The following SLMAP variants were observed in gnomAD, a reference collection of about 807,000 sequenced individuals.
The protein encoded by SLMAP is sarcolemma associated protein.
SLMAP carries 44 observed loss-of-function variants against 128.8 expected under a neutral mutation model. The observed-to-expected ratio is 0.34, with a 90% CI of 0.27 to 0.44. The LOEUF (loss-of-function observed/expected upper bound fraction) is 0.44. Among genes scored for constraint, SLMAP ranks in the 20% least tolerant of loss-of-function variants. SLMAP has a pLI of 1.00. For synonymous variants in SLMAP, 327 were observed against 348.8 expected, an observed-to-expected ratio of 0.94 and a Z score of 0.70; for missense variants, 787 against 985.3, an observed-to-expected ratio of 0.80 and a Z score of 2.69.
At chr3:57,803,262 C>G (rs2089014318) in intron 2 of SLMAP, among the ~76,000 whole-genome samples, 1 of 151,934 alleles carries the variant, frequency 6.6e-6, no homozygotes, top group Non-Finnish European at 1.5e-5. Context: ...AAAAGGCCAT[C>G]AAGATTATGA....
At chr3:57,845,245 A>G (rs972485507) in intron 4 of SLMAP, among the ~76,000 whole-genome samples, 2 of 152,228 alleles carry the variant, frequency 1.3e-5, no homozygotes, top group Non-Finnish European at 2.9e-5. Flanking sequence ...TTGGGCATAT[A>G]CAGGTGAATA....
chr3:57,801,685 A>G (rs1042905781), intron 2 of SLMAP, among the ~76,000 whole-genome samples: 2 of 148,662 alleles, frequency 1.3e-5, no homozygotes, highest in Non-Finnish European at 3.0e-5. Context: ...TTTGCTCAGT[A>G]TCTTAATACC....
At chr3:57,863,299 A>G (rs976902507) in intron 10 of SLMAP, among the ~76,000 whole-genome samples, 1 of 152,178 alleles carries the variant, frequency 6.6e-6, no homozygotes, top group African/African-American at 2.4e-5. Flanking sequence ...AAAAAATCTT[A>G]TAACTGTTTG....
At chr3:57,784,023 A>C (rs1445081823) in intron 2 of SLMAP, among the ~76,000 whole-genome samples, 1 of 152,158 alleles carries the variant, frequency 6.6e-6, no homozygotes, top group African/African-American at 2.4e-5. Flanking sequence ...TCTGTCACCA[A>C]ATTCAAGAAC....
chr3:57,887,376 T>TG (rs2095921530), intron 14 of SLMAP, among the ~76,000 whole-genome samples: 1 of 152,014 alleles, frequency 6.6e-6, no homozygotes, highest in African/African-American at 2.4e-5. Flanking sequence ...ATTACAGACA[T>TG]GCGCCACCAC....
intron 2 of SLMAP, among the ~76,000 whole-genome samples, chr3:57,762,053 CAAA>C (rs1312577556): frequency 4.4e-5 from 2 of 45,530 alleles, no homozygotes. Context: ...GACTCCGTCT[CAAA>C]AAAAAAAAAA....
At chr3:57,835,829 G>A (rs745559102) in intron 3 of SLMAP, among the ~76,000 whole-genome samples, 6 of 152,060 alleles carry the variant, frequency 3.9e-5, no homozygotes, top group South Asian at 2.1e-4. Flanking sequence ...GCAAACTGTC[G>A]AAGGATTTGT....
intron 2 of SLMAP, among the ~76,000 whole-genome samples, chr3:57,774,971 T>G (rs1225051642): frequency 6.6e-6 from 1 of 152,194 alleles, no homozygotes; most frequent in African/African-American, 2.4e-5. Context: ...GATATTTAAG[T>G]CCTGCTGCCA....
At chr3:57,895,895 G>T (rs999794875) in intron 15 of SLMAP, among the ~76,000 whole-genome samples, 14 of 150,094 alleles carry the variant, frequency 9.3e-5, no homozygotes, top group African/African-American at 3.2e-4. Flanking sequence ...AGTGAGCTGT[G>T]TTTGTCCCAC....
chr3:57,896,480 T>A (rs1172730353), intron 15 of SLMAP, 31 bp from the exon 16 acceptor site: 1 of 1,562,678 alleles, frequency 6.4e-7, no homozygotes. Flanking sequence ...TTAACTGTAA[T>A]AAGATTTTAC....
intron 13 of SLMAP, among the ~76,000 whole-genome samples, chr3:57,866,792 G>T (rs2095314842): frequency 6.6e-6 from 1 of 152,044 alleles, no homozygotes; most frequent in Non-Finnish European, 1.5e-5. Flanking sequence ...GCTGAGGTGG[G>T]AGGATCACTT....
At chr3:57,915,661 T>C (rs1475986703) in intron 21 of SLMAP, among the ~76,000 whole-genome samples, 1 of 152,236 alleles carries the variant, frequency 6.6e-6, no homozygotes, top group East Asian at 1.9e-4. Context: ...TTCTGAAAGA[T>C]GTAAAACTGT....
intron 17 of SLMAP, among the ~76,000 whole-genome samples, chr3:57,906,288 T>G (rs1020555098): frequency 2.1e-4 from 30 of 141,018 alleles, no homozygotes; most frequent in Admixed American, 8.0e-4. Context: ...GAACCCAGAA[T>G]CAAATTTTTT....
In SLMAP at chr3:57,879,430, T is replaced by C. The variant is rs138054165; in HGVS notation, c.1300+7732T>C. On this transcript the variant is annotated intron_variant, in intron 14 of 24. Transcript: ENST00000671191. ...TCAGGTACAAATTCAAGAGTGTTCATAGCAGCATTATTCACATTAGATCCA... is the reference window on the plus strand; with the variant it reads ...TCAGGTACAAATTCAAGAGTGTTCACAGCAGCATTATTCACATTAGATCCA... Among the ~76,000 whole-genome samples the C allele has an allele frequency of 3.2e-3, 483 of 152,252 alleles. 1 individual carries two copies. Among genetic ancestry groups the C allele is most frequent in the African/African-American group, 0.011 (445 of 41,534 alleles).
At chr3:57,818,783 G>A (rs2092210869) in intron 2 of SLMAP, among the ~76,000 whole-genome samples, 1 of 152,094 alleles carries the variant, frequency 6.6e-6, no homozygotes, top group Non-Finnish European at 1.5e-5. Flanking sequence ...ATAAGCTTTG[G>A]CTCCAAAAAC....
At chr3:57,854,848 G>A (rs551861857) in intron 6 of SLMAP, among the ~76,000 whole-genome samples, 6 of 152,036 alleles carry the variant, frequency 3.9e-5, no homozygotes, top group East Asian at 1.9e-4. Flanking sequence ...ATCATGTATC[G>A]CTTAACAGGC....
At chr3:57,852,551 T>C (rs1293754608) in intron 6 of SLMAP, among the ~76,000 whole-genome samples, 2 of 152,214 alleles carry the variant, frequency 1.3e-5, no homozygotes, top group Non-Finnish European at 2.9e-5. Flanking sequence ...AATTAATATA[T>C]GTAAAGCACT....
intron 2 of SLMAP, among the ~76,000 whole-genome samples, chr3:57,781,892 C>A (rs2083165099): frequency 6.6e-6 from 1 of 151,866 alleles, no homozygotes; most frequent in African/African-American, 2.4e-5. Flanking sequence ...AGCACCACAC[C>A]CAGCTAATTT....
At chr3:57,906,240 C>A (rs189207480) in intron 17 of SLMAP, among the ~76,000 whole-genome samples, 2 of 148,608 alleles carry the variant, frequency 1.3e-5, no homozygotes, top group Admixed American at 1.4e-4. Context: ...GCCCAAAGAC[C>A]TTTTGAAGGA....
Sources: gnomAD v4.1 joint callset for allele counts (sites outside exome capture counted in the v4.1 genomes callset) on GRCh38, gnomAD v4.1.1 for gene constraint, MANE v1.5 for transcripts, NCBI Gene and HGNC (gene_info 2026-07-23, HGNC 2026-07-21) for gene names.